RBL1: variants seen among roughly 807,000 people sequenced by gnomAD.
RBL1 encodes RB transcriptional corepressor like 1, also known as retinoblastoma-like protein 1.
In RBL1, 82 loss-of-function variants were observed where a neutral mutation model predicts 123.0. The ratio of observed to expected loss-of-function variants is 0.67; its 90% CI spans 0.56 to 0.80. The LOEUF is 0.80. Among genes scored for constraint, RBL1 ranks in the 30% least tolerant of loss-of-function variants. The probability of loss-of-function intolerance (pLI) is 0.00; values close to 1 mark genes in which losing one functional copy is unlikely to be tolerated. For synonymous variants in RBL1, 405 were observed against 441.3 expected (o/e 0.92, Z 1.03); for missense variants, 1,171 against 1,299.6 (o/e 0.90, Z 1.52).
intron 11 of RBL1, chr20:37,049,820 T>C (rs2064876715): frequency 2.3e-6 from 1 of 440,646 alleles, no homozygotes; most frequent in Non-Finnish European, 4.0e-6. Flanking sequence ...CCCGGCACTT[T>C]GGGAGGCTGA....
intron 7 of RBL1, among the ~76,000 whole-genome samples, chr20:37,064,462 G>A (rs1270212005): frequency 6.6e-6 from 1 of 151,982 alleles, no homozygotes; most frequent in African/African-American, 2.4e-5. Context: ...AATGCCAATT[G>A]GCCGGGTGTG....
At chr20:37,006,091 G>A (rs2075204706) in intron 20 of RBL1, among the ~76,000 whole-genome samples, 1 of 151,338 alleles carries the variant, frequency 6.6e-6, no homozygotes, top group South Asian at 2.1e-4. Context: ...TTAAGAGACA[G>A]GGTCTTCCTG....
chr20:37,084,533 C>T (rs1224254933), intron 2 of RBL1, among the ~76,000 whole-genome samples: 1 of 151,974 alleles, frequency 6.6e-6, no homozygotes, highest in African/African-American at 2.4e-5. Flanking sequence ...AGACCCGTCT[C>T]TACAAAAAAT....
At chr20:37,079,219 A>C (rs1305421373) in intron 2 of RBL1, among the ~76,000 whole-genome samples, 4 of 151,750 alleles carry the variant, frequency 2.6e-5, no homozygotes, top group Non-Finnish European at 5.9e-5. Flanking sequence ...AAAAAAAAAA[A>C]AACCCTCAAA....
chr20:37,073,362 A>G (rs985306274), intron 2 of RBL1, among the ~76,000 whole-genome samples: 1 of 152,162 alleles, frequency 6.6e-6, no homozygotes, highest in Admixed American at 6.5e-5. Flanking sequence ...TAAGAAGCAA[A>G]GTAAACTTCA....
At chr20:37,044,797 G>T (rs1313132212) in intron 12 of RBL1, among the ~76,000 whole-genome samples, 9 of 152,234 alleles carry the variant, frequency 5.9e-5, no homozygotes, top group Non-Finnish European at 1.2e-4. Flanking sequence ...ATGACAACTT[G>T]AGGCAACGAT....
chr20:37,000,485 CCCGGCCAGCCGCCCCGT>C (rs1352286497), intron 21 of RBL1, among the ~76,000 whole-genome samples: 5 of 144,398 alleles, frequency 3.5e-5, no homozygotes, highest in African/African-American at 1.3e-4. Flanking sequence ...AGCCCCCCCG[CCCGGCCAGCCGCCCCGT>C]CCGGGAGGTG....
At chr20:37,047,729 C>T (rs1182326671) in intron 11 of RBL1, among the ~76,000 whole-genome samples, 2 of 152,162 alleles carry the variant, frequency 1.3e-5, no homozygotes, top group African/African-American at 2.4e-5. Flanking sequence ...CCTGTAATCT[C>T]GGCACTTTGG....
chr20:37,031,723 G>A (rs986060261), intron 16 of RBL1, among the ~76,000 whole-genome samples: 2 of 152,054 alleles, frequency 1.3e-5, no homozygotes, highest in African/African-American at 4.8e-5. Context: ...GCAGAGACTT[G>A]AATAGATATT....
At chr20:37,059,782 A>G (rs1033156502) in intron 9 of RBL1, among the ~76,000 whole-genome samples, 3 of 151,984 alleles carry the variant, frequency 2.0e-5, no homozygotes, top group Non-Finnish European at 4.4e-5. Context: ...TTATTTTATT[A>G]GGTATTAGGA....
intron 2 of RBL1, among the ~76,000 whole-genome samples, chr20:37,078,383 T>C (rs948991768): frequency 6.6e-6 from 1 of 152,234 alleles, no homozygotes; most frequent in African/African-American, 2.4e-5. Context: ...TACTATGAGG[T>C]TGCAAAATGG....
intron 21 of RBL1, among the ~76,000 whole-genome samples, chr20:37,001,624 G>A (rs924804245): frequency 2.7e-5 from 4 of 150,508 alleles, no homozygotes; most frequent in Middle Eastern, 6.8e-3. Context: ...CAAACACTGC[G>A]GAAGGCTGCA....
Position 37,049,225 on chromosome 20 carries a change from A to AAAACAAG in RBL1, c.1468-2036_1468-2035insCTTGTTT, listed in dbSNP as rs1042727642. On this transcript the variant is annotated intron_variant, in intron 11 of 21. Coordinates refer to ENST00000373664, the MANE Select transcript of RBL1 (RefSeq NM_002895.5). ...CCAAAAAACAAAAAACAAAAAACAAAAAAAAATTTAAAGATCCGCCATCTG... is the reference window on the plus strand; with the variant it reads ...CCAAAAAACAAAAAACAAAAAACAAAAAACAAGAAAAAATTTAAAGATCCGCCATCTG... 19 of 421,062 alleles carry AAAACAAG rather than the reference A, an allele frequency of 4.5e-5. No homozygotes were observed. In the Admixed American group the frequency reaches 5.6e-4, roughly 12 times the overall value. The allele number at this position is 421,062 out of a possible 1,614,324, so 26.1% of individuals were successfully genotyped here. A position where few individuals can be genotyped will look rare whatever the true frequency, so the allele number is the denominator to read the frequency against.
Position 37,083,514 on chromosome 20 carries a change from C to T in RBL1, c.290+5475G>A, listed in dbSNP as rs144326981. Among the ~76,000 whole-genome samples, 51 of 148,870 alleles carry T rather than the reference C, an allele frequency of 3.4e-4. No homozygotes were observed. The East Asian group carries it at 9.1e-3, about 27-fold the overall frequency. On this transcript the variant is annotated intron_variant, in intron 2 of 21. Coordinates refer to ENST00000373664, the MANE Select transcript of RBL1 (RefSeq NM_002895.5). The stretch of plus-strand genomic sequence containing the variant: ...AAAAAAGATAAAAACAGGCTGGGCG[C>T]GGTGGCTCACACCTGTAATCCTAGC...
intron 20 of RBL1, among the ~76,000 whole-genome samples, 183 bp from the exon 21 acceptor site, chr20:37,004,049 C>A: frequency 6.7e-6 from 1 of 148,400 alleles, no homozygotes; most frequent in Non-Finnish European, 1.5e-5. Flanking sequence ...AATAGATAAA[C>A]TAGAATTTAT....
intron 6 of RBL1, among the ~76,000 whole-genome samples, chr20:37,065,903 C>G (rs766884476): frequency 2.0e-5 from 3 of 152,136 alleles, no homozygotes; most frequent in Admixed American, 6.6e-5. Context: ...CGTGAGCCAC[C>G]GCGCCCAGTC....
At chr20:37,069,884 A>C (rs1365561795) in intron 2 of RBL1, among the ~76,000 whole-genome samples, 5 of 146,232 alleles carry the variant, frequency 3.4e-5, no homozygotes, top group African/African-American at 5.3e-5. Context: ...CGCCCCGTCC[A>C]GGAGGTGAGG....
intron 20 of RBL1, among the ~76,000 whole-genome samples, chr20:37,004,749 CGGGTGCAGT>C (rs1437923322): frequency 6.8e-6 from 1 of 147,358 alleles, no homozygotes; most frequent in Non-Finnish European, 1.5e-5. Flanking sequence ...ATTCTGGGGC[CGGGTGCAGT>C]GGCTCACTCC....
chr20:37,020,280 G>A (rs1432758307), intron 18 of RBL1, among the ~76,000 whole-genome samples: 1 of 151,682 alleles, frequency 6.6e-6, no homozygotes, highest in East Asian at 1.9e-4. Flanking sequence ...GTAGAGACAG[G>A]GTTTTACCAT....
Sources: allele counts gnomAD v4.1 joint callset (sites outside exome capture counted in the v4.1 genomes callset), GRCh38; gene constraint gnomAD v4.1.1; transcripts MANE v1.5; gene names NCBI Gene and HGNC (gene_info 2026-07-23, HGNC 2026-07-21).